The following TTLL5 variants were observed in gnomAD, a reference collection of about 807,000 sequenced individuals.
TTLL5 encodes tubulin polyglutamylase TTLL5.
A neutral mutation model predicts 168.4 loss-of-function variants in TTLL5; 132 were observed. The observed-to-expected ratio is 0.78, with a 90% confidence interval of 0.68 to 0.91. The LOEUF (loss-of-function observed/expected upper bound fraction) is 0.91. TTLL5 is among the 40% of genes least tolerant of loss of function. The probability of loss-of-function intolerance (pLI) is 0.00; values close to 1 mark genes in which losing one functional copy is unlikely to be tolerated. For synonymous variants in TTLL5, 546 were observed against 558.6 expected (o/e 0.98, Z 0.32); for missense variants, 1,545 against 1,581.5 (o/e 0.98, Z 0.39).
Position 75,820,142 on chromosome 14 carries a change from TC to T in TTLL5, c.3309del (p.Ser1104AlafsTer19). The stretch of plus-strand genomic sequence containing the variant: ...AGACCCCCAAGCTCCCGAGAATCAC[TC>T]CAGCTCTCCTGGAAGCAGGTATGTG... ...QSDPQAPENHSSSPGSRSLQT... is the reference protein window; with the variant it reads ...QSDPQAPENHXSSPGSRSLQT... On this transcript the variant is annotated frameshift_variant, in exon 28 of 32. Coordinates refer to ENST00000298832, the MANE Select transcript of TTLL5 (RefSeq NM_015072.5). LOFTEE classifies it high-confidence loss of function. 1 of 1,594,000 alleles carries T rather than the reference TC, an allele frequency of 6.3e-7. No individual in the cohort carries two copies. The highest frequency in any genetic ancestry group is 1.4e-5 in the African/African-American group (1 of 73,758).
intron 22 of TTLL5, 27 bp downstream of exon 22, chr14:75,775,657 C>T (rs1380983830): frequency 2.5e-6 from 4 of 1,612,632 alleles, no homozygotes; most frequent in Non-Finnish European, 3.4e-6. Flanking sequence ...TAGTCTTGTG[C>T]TTTGGATTGC....
intron 24 of TTLL5, among the ~76,000 whole-genome samples, chr14:75,780,250 G>T (rs1378079679): frequency 6.6e-6 from 1 of 152,150 alleles, no homozygotes; most frequent in Non-Finnish European, 1.5e-5. Flanking sequence ...GGCATTTTGG[G>T]CAGGAGAATT....
intron 31 of TTLL5, among the ~76,000 whole-genome samples, chr14:75,935,690 A>C (rs1276638791): frequency 1.3e-5 from 2 of 152,178 alleles, no homozygotes; most frequent in Admixed American, 6.5e-5. Context: ...AAGATGCCCC[A>C]AAAAAACCCA....
intron 30 of TTLL5, among the ~76,000 whole-genome samples, chr14:75,896,974 C>T (rs2032693209): frequency 6.6e-6 from 1 of 151,996 alleles, no homozygotes; most frequent in African/African-American, 2.4e-5. Context: ...GGCTTATATT[C>T]CTTAAATAGA....
chr14:75,678,998 G>A (rs1018139045), intron 3 of TTLL5, among the ~76,000 whole-genome samples: 14 of 152,092 alleles, frequency 9.2e-5, no homozygotes, highest in African/African-American at 3.4e-4. Flanking sequence ...TTTCATTTCT[G>A]TCTTTCCTTC....
intron 28 of TTLL5, among the ~76,000 whole-genome samples, chr14:75,854,417 T>C (rs2139903651): frequency 1.3e-5 from 2 of 152,380 alleles, no homozygotes; most frequent in Middle Eastern, 3.4e-3. Context: ...TTTATTTCTG[T>C]AATGATAGGC....
intron 29 of TTLL5, among the ~76,000 whole-genome samples, chr14:75,875,227 G>A (rs117971866): frequency 6.0e-5 from 9 of 148,828 alleles, no homozygotes; most frequent in South Asian, 2.1e-4. Flanking sequence ...GCCACTGCGC[G>A]CGGCCTATAT....
chr14:75,886,743 T>C, intron 30 of TTLL5: 1 of 1,597,922 alleles, frequency 6.3e-7, no homozygotes, highest in Non-Finnish European at 8.5e-7. Context: ...GTGGTATTTC[T>C]TCCAAGCAGT....
intron 31 of TTLL5, among the ~76,000 whole-genome samples, chr14:75,941,648 A>T (rs945384009): frequency 6.6e-6 from 1 of 152,048 alleles, no homozygotes; most frequent in Non-Finnish European, 1.5e-5. Flanking sequence ...TTTTCCAGAT[A>T]GGAATTTTTT....
chr14:75,853,939 G>A (rs905632892), intron 28 of TTLL5, among the ~76,000 whole-genome samples: 2 of 152,082 alleles, frequency 1.3e-5, no homozygotes, highest in Non-Finnish European at 2.9e-5. Context: ...ATCTGCTCAA[G>A]AGGCTGAGGC....
Position 75,709,157 on chromosome 14 carries a change from T to C in TTLL5, c.740+1450T>C, listed in dbSNP as rs373617617. ...CACGACAAGCTAAAAAAGCCTGGTC[T>C]GTGTATGTTTCTGTATTTTAGAAAA... On this transcript the variant is annotated intron_variant, in intron 9 of 31. Coordinates refer to ENST00000298832, the MANE Select transcript of TTLL5 (RefSeq NM_015072.5). 3 of 757,736 alleles carry C rather than the reference T, an allele frequency of 4.0e-6. No individual in the cohort carries two copies. The African/African-American group carries it at 5.1e-5, about 13-fold the overall frequency. The allele number at this position is 757,736 out of a possible 1,614,324, so 46.9% of individuals were successfully genotyped here.
At chr14:75,877,002 CTT>C (rs940210117) in intron 29 of TTLL5, among the ~76,000 whole-genome samples, 1 of 152,158 alleles carries the variant, frequency 6.6e-6, no homozygotes, top group Non-Finnish European at 1.5e-5. Flanking sequence ...CAAGAAATGT[CTT>C]TGCATATGTC....
At chr14:75,745,445 C>T in intron 16 of TTLL5, 45 bp from the exon 17 acceptor site, 1 of 1,590,514 alleles carries the variant, frequency 6.3e-7, no homozygotes, top group Non-Finnish European at 8.6e-7. Flanking sequence ...CACATGGACT[C>T]CGGTTTTCAA....
rs369797723 is a variant in TTLL5 at position 75,954,472 on chromosome 14, T to C, written c.*26T>C. The stretch of plus-strand genomic sequence containing the variant: ...ACCACAAACACACAGAGAAACAACC[T>C]GTTCACCACTCCTGGGTGCATGATT... On this transcript the variant is annotated 3_prime_UTR_variant, in exon 32 of 32. Coordinates refer to ENST00000298832, the MANE Select transcript of TTLL5 (RefSeq NM_015072.5). 7.7e-5 allele frequency: 124 copies of C among 1,613,300 alleles called. 2 individuals are homozygous for C. Among genetic ancestry groups the C allele is most frequent in the Middle Eastern group, 6.6e-4 (4 of 6,084 alleles).
At chr14:75,798,121 T>G (rs764634242) in intron 27 of TTLL5, among the ~76,000 whole-genome samples, 3 of 152,060 alleles carry the variant, frequency 2.0e-5, no homozygotes, top group African/African-American at 7.2e-5. Flanking sequence ...TCAATATTGC[T>G]GCTTGCTGTT....
intron 21 of TTLL5, 33 bp from the exon 22 acceptor site, chr14:75,775,451 T>A (rs1260377512): frequency 6.3e-7 from 1 of 1,580,114 alleles, no homozygotes; most frequent in African/African-American, 1.4e-5. Flanking sequence ...CCATCCCTCC[T>A]TTTTTTTTCT....
chr14:75,709,355 A>T (rs181813773), intron 9 of TTLL5: 1 of 604,488 alleles, frequency 1.7e-6, no homozygotes, highest in East Asian at 2.8e-5. Context: ...CAGTGAGAGC[A>T]GACTAACCAA....
At chr14:75,822,051 A>C (rs570436901) in intron 28 of TTLL5, among the ~76,000 whole-genome samples, 63 of 152,288 alleles carry the variant, frequency 4.1e-4, no homozygotes, top group African/African-American at 1.5e-3. Flanking sequence ...TCCCAGAGGC[A>C]CCCAACCTAA....
At chr14:75,765,642 C>T (rs1440174375) in intron 19 of TTLL5, among the ~76,000 whole-genome samples, 2 of 152,012 alleles carry the variant, frequency 1.3e-5, no homozygotes, top group East Asian at 1.9e-4. Flanking sequence ...GTGGGCGAAT[C>T]GCTTGAGCCC....
Sources: allele counts gnomAD v4.1 joint callset (sites outside exome capture counted in the v4.1 genomes callset), GRCh38; gene constraint gnomAD v4.1.1; transcripts MANE v1.5; gene names NCBI Gene and HGNC (gene_info 2026-07-23, HGNC 2026-07-21).